Variants in TXN2 observed in about 807,000 individuals in gnomAD.
The protein encoded by TXN2 is thioredoxin, mitochondrial.
Under a neutral mutation model 14.6 loss-of-function variants are expected in TXN2, and 12 were observed. The observed-to-expected ratio is 0.82, with a 90% CI of 0.53 to 1.33. TXN2 has a LOEUF of 1.33. Ranked by LOEUF, TXN2 falls within the 40% of genes most tolerant of loss-of-function variation. TXN2 has a pLI of 0.00. For missense variants in TXN2, 173 were observed against 207.7 expected, an observed-to-expected ratio of 0.83 and a Z score of 1.03; for synonymous variants, 89 against 81.0, an observed-to-expected ratio of 1.10 and a Z score of -0.53.
rs1483403189 is a variant in TXN2 at position 36,480,722 on chromosome 22, G to A, written c.116C>T (p.Pro39Leu). 6.2e-7 allele frequency: 1 copy of A among 1,613,988 alleles called. No homozygotes were observed. The highest frequency in any genetic ancestry group is 8.5e-7 in the Non-Finnish European group (1 of 1,180,036). ...SRALQTPQCS[P>L]GGLTVTPNPA... ...GTTGGGTGTTACAGTCAGGCCACCA[G>A]GACTGCATTGTGGGGTCTGCAGGGC... The change falls in exon 2 of 4, where the codon CCT becomes CTT. Residue 39 changes from proline (P) to leucine (L), a missense_variant. Transcript: ENST00000216185.
intron 3 of TXN2, among the ~76,000 whole-genome samples, chr22:36,470,242 G>A (rs948865564): frequency 2.0e-5 from 3 of 152,188 alleles, no homozygotes; most frequent in African/African-American, 7.2e-5. Context: ...GACACTTTGG[G>A]GACAAACACA....
intron 2 of TXN2, among the ~76,000 whole-genome samples, chr22:36,477,833 CTG>C (rs1568978798): frequency 6.6e-6 from 1 of 152,000 alleles, no homozygotes. Context: ...CAACCCAAAG[CTG>C]TGTTGAAAGT....
Position 36,480,817 on chromosome 22 carries a change from CAGA to C in TXN2, c.18_20del (p.Leu7del), listed in dbSNP as rs765021021. ...AGATGACAGAGGCCAGGAACCTCCT[CAGA>C]AGAAGTCGCTGAGCCATCTGTGAGG... On this transcript the variant is annotated inframe_deletion, in exon 2 of 4. Transcript: ENST00000216185. The C allele has an allele frequency of 2.7e-5, 42 of 1,582,696 alleles. No individual in the cohort carries two copies. The highest frequency in any genetic ancestry group is 3.5e-5 in the Non-Finnish European group (41 of 1,163,154).
chr22:36,471,258 G>T (rs1178350285), intron 3 of TXN2, among the ~76,000 whole-genome samples: 1 of 152,186 alleles, frequency 6.6e-6, no homozygotes, highest in South Asian at 2.1e-4. Context: ...GTCCTGTTCC[G>T]TGAAGCCACT....
chr22:36,474,666 A>C (rs1933350112), intron 3 of TXN2, among the ~76,000 whole-genome samples: 1 of 152,196 alleles, frequency 6.6e-6, no homozygotes, highest in Non-Finnish European at 1.5e-5. Context: ...ATTACTTTAA[A>C]ATACTTCGAG....
rs370827803 is a variant in TXN2, at chr22:36,474,457, T to A, written c.387+2276A>T. Among the ~76,000 whole-genome samples, 492 of 152,250 alleles carry A rather than the reference T, an allele frequency of 3.2e-3. 3 individuals carry two copies. Among genetic ancestry groups the A allele is most frequent in the African/African-American group, 0.011 (471 of 41,544 alleles). ...ACTGGTTCAGGGATGGGTGCCTCTA[T>A]TTGAGCTGGTCTAGTAAGAGTGAAA... On this transcript the variant is annotated intron_variant, in intron 3 of 3. Coordinates refer to ENST00000216185, the MANE Select transcript of TXN2 (RefSeq NM_012473.4).
intron 3 of TXN2, among the ~76,000 whole-genome samples, chr22:36,474,777 C>A (rs1027570424): frequency 3.3e-5 from 5 of 152,174 alleles, no homozygotes; most frequent in Admixed American, 1.3e-4. Context: ...TATTCAGAGA[C>A]CCTCCCAATC....
rs61730813 is a variant in TXN2, at chr22:36,480,670, C to T, written c.168G>A (p.Arg56=). ...PNPARTIYTT[R]ISLTTFNIQD... Reference sequence around the variant, plus strand: ...GGATATTAAAGGTTGTCAAGGAGATCCTCGTGGTGTATATTGTCCGGGCTG... The same window carrying T: ...GGATATTAAAGGTTGTCAAGGAGATTCTCGTGGTGTATATTGTCCGGGCTG... The change falls in exon 2 of 4, where the codon AGG becomes AGA. Residue 56 remains arginine (R), a synonymous_variant. Transcript: ENST00000216185. 11 of 1,614,150 alleles carry T rather than the reference C, an allele frequency of 6.8e-6. No homozygotes were observed. Among genetic ancestry groups the T allele is most frequent in the Middle Eastern group, 1.7e-4 (1 of 6,044 alleles).
chr22:36,472,772 T>C (rs1933308941), intron 3 of TXN2, among the ~76,000 whole-genome samples: 1 of 152,052 alleles, frequency 6.6e-6, no homozygotes, highest in South Asian at 2.1e-4. Flanking sequence ...CACATGCCAT[T>C]ATACATTTGT....
At chr22:36,468,987 A>G (rs1011381143) in intron 3 of TXN2, among the ~76,000 whole-genome samples, 1 of 152,066 alleles carries the variant, frequency 6.6e-6, no homozygotes, top group Admixed American at 6.6e-5. Context: ...GGCTGGAGTC[A>G]GTGGAGATTG....
At chr22:36,469,961 T>A (rs1160366918) in intron 3 of TXN2, among the ~76,000 whole-genome samples, 1 of 151,962 alleles carries the variant, frequency 6.6e-6, no homozygotes, top group Non-Finnish European at 1.5e-5. Flanking sequence ...GTTCCCCCCC[T>A]CAAAATAAAT....
intron 2 of TXN2, among the ~76,000 whole-genome samples, chr22:36,478,176 C>T (rs62229974): frequency 0.056 from 8,434 of 151,482 alleles, 343 homozygotes; most frequent in Non-Finnish European, 0.09. Flanking sequence ...TTATTTCACC[C>T]ACAGGCTACT....
At chr22:36,476,966 T>A in intron 2 of TXN2, 110 bp from the exon 3 acceptor site, 1 of 1,508,490 alleles carries the variant, frequency 6.6e-7, no homozygotes, top group Non-Finnish European at 8.9e-7. Context: ...TTATTATCTC[T>A]GTTTACCATG....
chr22:36,481,632 C>G lies in TXN2; in HGVS notation c.-69G>C, dbSNP rs377358631. The G allele has an allele frequency of 7.3e-4, 700 of 964,116 alleles. 4 individuals are homozygous for G. In the African/African-American group the frequency reaches 0.012, roughly 16 times the overall value. The allele number at this position is 964,116 out of a possible 1,614,324, so 59.7% of individuals were successfully genotyped here. A position where few individuals can be genotyped will look rare whatever the true frequency, so the allele number is the denominator to read the frequency against. On this transcript the variant is annotated 5_prime_UTR_variant, in exon 1 of 4. Transcript: ENST00000216185. ...TGCCTGTCAAGGGCACGCCTGTCGTCACTTCCTCGGGGGGGGACGTACATA... is the reference window on the plus strand; with the variant it reads ...TGCCTGTCAAGGGCACGCCTGTCGTGACTTCCTCGGGGGGGGACGTACATA...
At position 36,467,442 on chromosome 22, in the gene TXN2, ACG is replaced by A; in HGVS notation, c.*360_*361del. The A allele has an allele frequency of 4.7e-6, 1 of 213,660 alleles. No individual in the cohort carries two copies. The highest frequency in any genetic ancestry group is 2.3e-5 in the African/African-American group (1 of 43,974). The allele number at this position is 213,660 out of a possible 1,614,324, so 13.2% of individuals were successfully genotyped here. ...AATGTAGGTGGCAGACGAGCCAGGC[ACG>A]AGGTTTCAGATTGGAAGGGACCAAG... On this transcript the variant is annotated 3_prime_UTR_variant, in exon 4 of 4. Transcript: ENST00000216185.
At chr22:36,479,628 G>A (rs1037780026) in intron 2 of TXN2, among the ~76,000 whole-genome samples, 2 of 152,018 alleles carry the variant, frequency 1.3e-5, no homozygotes, top group Non-Finnish European at 2.9e-5. Flanking sequence ...CACTGCGTCC[G>A]ACCTGAAGGC....
At chr22:36,481,529 G>A (rs1183579266) in intron 1 of TXN2, 35 bp downstream of exon 1, 21 of 982,824 alleles carry the variant, frequency 2.1e-5, no homozygotes, top group South Asian at 4.8e-5. Flanking sequence ...CCTCAGCCGC[G>A]ACACCACCTC....
In TXN2 at chr22:36,481,547, C is replaced by T. The variant is rs1232727624; in HGVS notation, c.-1+17G>A. The T allele has an allele frequency of 3.8e-5, 38 of 998,180 alleles. No individual in the cohort carries two copies. The highest frequency in any genetic ancestry group is 4.6e-5 in the Non-Finnish European group (38 of 828,542). The allele number at this position is 998,180 out of a possible 1,614,324, so 61.8% of individuals were successfully genotyped here. A position where few individuals can be genotyped will look rare whatever the true frequency, so the allele number is the denominator to read the frequency against. ...CAGCCGCGACACCACCTCGAGCCAC[C>T]CCCACAGGGCTCCTACCTCCCTGCA... is the stretch of plus-strand genomic sequence containing the variant. On this transcript the variant is annotated intron_variant, in intron 1 of 3. Coordinates refer to ENST00000216185, the MANE Select transcript of TXN2 (RefSeq NM_012473.4).
chr22:36,478,538 G>A (rs1334702852), intron 2 of TXN2, among the ~76,000 whole-genome samples: 2 of 152,166 alleles, frequency 1.3e-5, no homozygotes, highest in Non-Finnish European at 2.9e-5. Flanking sequence ...TGCCCAGGCT[G>A]GAGTGCAATG....
Sources: allele counts gnomAD v4.1 joint callset (sites outside exome capture counted in the v4.1 genomes callset), GRCh38; gene constraint gnomAD v4.1.1; transcripts MANE v1.5; gene names NCBI Gene and HGNC (gene_info 2026-07-23, HGNC 2026-07-21).